Variants in NEGR1 observed in about 807,000 individuals in gnomAD.
The protein encoded by NEGR1 is IgLON family member 4.
Under a neutral mutation model 40.9 loss-of-function variants are expected in NEGR1, and 10 were observed. That is an observed-to-expected ratio of 0.24 (90% CI 0.15 to 0.42). The LOEUF is 0.42. NEGR1 is among the 10% of genes least tolerant of loss of function. NEGR1 has a pLI of 1.00. For missense variants in NEGR1, 352 were observed against 438.9 expected, an observed-to-expected ratio of 0.80 and a Z score of 1.77; for synonymous variants, 185 against 166.8, an observed-to-expected ratio of 1.11 and a Z score of -0.84.
chr1:72,218,967 G>T (rs540988814), intron 1 of NEGR1, among the ~76,000 whole-genome samples: 2 of 152,054 alleles, frequency 1.3e-5, no homozygotes, highest in East Asian at 1.9e-4. Context: ...CAAATGTTAG[G>T]ACTGACCAGG....
chr1:72,192,402 G>C (rs1483522482), intron 1 of NEGR1, among the ~76,000 whole-genome samples: 1 of 151,742 alleles, frequency 6.6e-6, no homozygotes, highest in Non-Finnish European at 1.5e-5. Context: ...AGCAGTTTTG[G>C]CAGATAGTAA....
chr1:71,840,572 A>T lies in NEGR1; in HGVS notation c.410-64275T>A, dbSNP rs551159851. Among the ~76,000 whole-genome samples, 5 of 152,226 alleles carry T rather than the reference A, an allele frequency of 3.3e-5. No individual in the cohort carries two copies. The East Asian group carries it at 9.7e-4, about 29-fold the overall frequency. On this transcript the variant is annotated intron_variant, in intron 2 of 6. Transcript: ENST00000357731. ...ATATTCTTAGCTTAATTTTTATTTT[A>T]AAAATGTAGACTTCACTCTACTATA...
chr1:71,570,537 T>C (rs1231439824), intron 6 of NEGR1, among the ~76,000 whole-genome samples: 1 of 152,176 alleles, frequency 6.6e-6, no homozygotes, highest in Non-Finnish European at 1.5e-5. Flanking sequence ...CACTGTATTA[T>C]AAGTACTTTT....
At chr1:71,513,304 T>C (rs111869059) in intron 6 of NEGR1, among the ~76,000 whole-genome samples, 30 of 152,236 alleles carry the variant, frequency 2.0e-4, no homozygotes, top group African/African-American at 7.2e-4. Context: ...CTCAAAAAAG[T>C]GAGTTATGAG....
At chr1:71,868,138 T>A (rs1397847143) in intron 2 of NEGR1, among the ~76,000 whole-genome samples, 2 of 152,172 alleles carry the variant, frequency 1.3e-5, no homozygotes, top group Admixed American at 1.3e-4. Context: ...CCATGTCTAA[T>A]CAGCAAGAAA....
rs1055478645 is a variant in NEGR1, at chr1:71,947,099, C to T, written c.177-11788G>A. Among the ~76,000 whole-genome samples, 770 of 110,602 alleles carry T rather than the reference C, an allele frequency of 7.0e-3. 10 individuals carry two copies. Among genetic ancestry groups the T allele is most frequent in the African/African-American group, 0.027 (727 of 27,248 alleles). 72.6% of individuals were successfully genotyped at this position (110,602 alleles called of 152,430 possible). On this transcript the variant is annotated intron_variant, in intron 1 of 6. Transcript: ENST00000357731. Reference sequence around the variant, plus strand: ...CCAGATCCTGTCTCATACACACACACACACACACACACACACACACACACA... The same window carrying T: ...CCAGATCCTGTCTCATACACACACATACACACACACACACACACACACACA...
At position 71,398,972 on chromosome 1, in the gene NEGR1, CT is replaced by C. The variant is rs1192122781; in HGVS notation, c.*8473del. 6.6e-6 allele frequency: 1 copy of C among 152,578 alleles called. No individual in the cohort carries two copies. Among genetic ancestry groups the C allele is most frequent in the African/African-American group, 2.4e-5 (1 of 41,416 alleles). 9.5% of individuals were successfully genotyped at this position (152,578 alleles called of 1,614,324 possible). On this transcript the variant is annotated 3_prime_UTR_variant, in exon 7 of 7. Coordinates refer to ENST00000357731, the MANE Select transcript of NEGR1 (RefSeq NM_173808.3). ...TATGAGACGTGCCTTTCACCTTCCA[CT>C]GTGATTGTGAGGCTTCCCCAGCCAC...
At chr1:71,661,339 CT>C (rs1652047462) in intron 4 of NEGR1, among the ~76,000 whole-genome samples, 1 of 152,050 alleles carries the variant, frequency 6.6e-6, no homozygotes, top group South Asian at 2.1e-4. Flanking sequence ...TAGTGGGGGT[CT>C]TTTATAAGGC....
rs1049114967 is a variant in NEGR1 at position 71,407,246 on chromosome 1, C to A, written c.*200G>T. On this transcript the variant is annotated 3_prime_UTR_variant, in exon 7 of 7. Coordinates refer to ENST00000357731, the MANE Select transcript of NEGR1 (RefSeq NM_173808.3). ...CGTCTTAAAAAAAGGACAATGTGTACTGCTTCACAAGGTAATGTAGCTAAT... is the reference window on the plus strand; with the variant it reads ...CGTCTTAAAAAAAGGACAATGTGTAATGCTTCACAAGGTAATGTAGCTAAT... 4 of 458,378 alleles carry A rather than the reference C, an allele frequency of 8.7e-6. No homozygotes were observed. The highest frequency in any genetic ancestry group is 1.6e-5 in the Non-Finnish European group (4 of 252,136). The allele number at this position is 458,378 out of a possible 1,614,324, so 28.4% of individuals were successfully genotyped here. A position where few individuals can be genotyped will look rare whatever the true frequency, so the allele number is the denominator to read the frequency against.
intron 4 of NEGR1, among the ~76,000 whole-genome samples, chr1:71,649,107 C>T (rs1435436352): frequency 6.6e-6 from 1 of 151,952 alleles, no homozygotes; most frequent in Non-Finnish European, 1.5e-5. Flanking sequence ...TAAAAATGTC[C>T]AGTTTTACTT....
At chr1:71,540,395 G>C (rs1299778073) in intron 6 of NEGR1, among the ~76,000 whole-genome samples, 1 of 151,758 alleles carries the variant, frequency 6.6e-6, no homozygotes, top group Non-Finnish European at 1.5e-5. Context: ...TTAAGAGTCG[G>C]ACTGTTTATT....
chr1:71,481,670 C>G (rs1002939488), intron 6 of NEGR1, among the ~76,000 whole-genome samples: 1 of 151,874 alleles, frequency 6.6e-6, no homozygotes, highest in African/African-American at 2.4e-5. Context: ...AACACAACCA[C>G]TTTGTAAATA....
chr1:71,710,106 G>C (rs1436329281), intron 3 of NEGR1, among the ~76,000 whole-genome samples: 2 of 152,130 alleles, frequency 1.3e-5, no homozygotes, highest in East Asian at 3.8e-4. Flanking sequence ...CTCAAAAGAA[G>C]ACATACAAAT....
At chr1:71,660,904 T>C (rs974290161) in intron 4 of NEGR1, among the ~76,000 whole-genome samples, 3 of 152,194 alleles carry the variant, frequency 2.0e-5, no homozygotes, top group Non-Finnish European at 4.4e-5. Flanking sequence ...TCTGTGCCCA[T>C]ATGATCTCAT....
intron 1 of NEGR1, among the ~76,000 whole-genome samples, chr1:72,092,262 C>A (rs1260507712): frequency 1.3e-5 from 2 of 152,070 alleles, no homozygotes; most frequent in Non-Finnish European, 2.9e-5. Flanking sequence ...TGGAGGGCAT[C>A]CTGCACCTGC....
intron 4 of NEGR1, among the ~76,000 whole-genome samples, chr1:71,687,081 T>A (rs1653065241): frequency 6.6e-6 from 1 of 152,318 alleles, no homozygotes; most frequent in Non-Finnish European, 1.5e-5. Flanking sequence ...TTAGACTAGG[T>A]CAAAGTATGA....
chr1:71,752,030 G>GA (rs1655586669), intron 3 of NEGR1, among the ~76,000 whole-genome samples: 2 of 152,090 alleles, frequency 1.3e-5, no homozygotes, highest in South Asian at 2.1e-4. Flanking sequence ...ATTAGTTGAA[G>GA]AAAAAATGTA....
intron 1 of NEGR1, among the ~76,000 whole-genome samples, chr1:72,231,873 T>TA (rs1654377611): frequency 6.6e-6 from 1 of 152,196 alleles, no homozygotes; most frequent in Non-Finnish European, 1.5e-5. Flanking sequence ...GTTTTGCTTT[T>TA]AGCATAAATT....
intron 2 of NEGR1, among the ~76,000 whole-genome samples, chr1:71,811,184 A>T (rs938034224): frequency 6.6e-6 from 1 of 152,130 alleles, no homozygotes; most frequent in African/African-American, 2.4e-5. Context: ...AACTGTAACC[A>T]TCTCCATGAC....
Sources: gnomAD v4.1 joint callset for allele counts (sites outside exome capture counted in the v4.1 genomes callset) on GRCh38, gnomAD v4.1.1 for gene constraint, MANE v1.5 for transcripts, NCBI Gene and HGNC (gene_info 2026-07-23, HGNC 2026-07-21) for gene names.